Variants in TNIK observed in about 807,000 individuals in gnomAD.
TNIK encodes TRAF2 and NCK interacting kinase.
Under a neutral mutation model 191.3 loss-of-function variants are expected in TNIK, and 49 were observed. The observed-to-expected ratio is 0.26, with a 90% CI of 0.20 to 0.32. TNIK has a LOEUF of 0.32. Among genes scored for constraint, TNIK ranks in the 10% least tolerant of loss-of-function variants. TNIK has a pLI of 1.00. For missense variants in TNIK, 1,155 were observed against 1,702.3 expected (o/e 0.68, Z 5.66); for synonymous variants, 594 against 600.9 (o/e 0.99, Z 0.17).
intron 2 of TNIK, among the ~76,000 whole-genome samples, chr3:171,314,441 G>A (rs1353054526): frequency 1.3e-5 from 2 of 152,116 alleles, no homozygotes; most frequent in Non-Finnish European, 2.9e-5. Flanking sequence ...TGATCCAGAG[G>A]TTCTCCAAGT....
chr3:171,386,469 G>T (rs889183647), intron 1 of TNIK, among the ~76,000 whole-genome samples: 2 of 131,728 alleles, frequency 1.5e-5, no homozygotes, highest in Non-Finnish European at 3.6e-5. Context: ...TTGCAGTGGA[G>T]GTTTCTCAGT....
At chr3:171,434,031 C>T (rs563872283) in intron 1 of TNIK, among the ~76,000 whole-genome samples, 1 of 147,082 alleles carries the variant, frequency 6.8e-6, no homozygotes, top group Admixed American at 6.9e-5. Context: ...CTACAACCAC[C>T]ACCTCCTGGG....
At chr3:171,268,515 G>A (rs1241734681) in intron 2 of TNIK, among the ~76,000 whole-genome samples, 1 of 151,888 alleles carries the variant, frequency 6.6e-6, no homozygotes, top group Non-Finnish European at 1.5e-5. Context: ...TCTATACTAA[G>A]GTCTCTTTCC....
intron 2 of TNIK, among the ~76,000 whole-genome samples, chr3:171,255,271 C>A (rs1746713072): frequency 6.6e-6 from 1 of 152,188 alleles, no homozygotes; most frequent in Non-Finnish European, 1.5e-5. Context: ...GAAAATCCCA[C>A]ATTCAAATGA....
intron 4 of TNIK, among the ~76,000 whole-genome samples, chr3:171,195,124 G>A (rs146924608): frequency 3.3e-5 from 5 of 152,248 alleles, no homozygotes; most frequent in African/African-American, 7.2e-5. Context: ...TAACTTCAGC[G>A]AATGTTCCCA....
At chr3:171,240,309 A>AT (rs1744798700) in intron 2 of TNIK, among the ~76,000 whole-genome samples, 1 of 152,198 alleles carries the variant, frequency 6.6e-6, no homozygotes, top group Non-Finnish European at 1.5e-5. Flanking sequence ...TGCAGGCCCT[A>AT]TAGAGGACGT....
chr3:171,244,676 A>G (rs1194963316), intron 2 of TNIK, among the ~76,000 whole-genome samples: 2 of 151,988 alleles, frequency 1.3e-5, no homozygotes, highest in African/African-American at 4.8e-5. Context: ...AATTTAATCC[A>G]TCGGCCTCTA....
intron 2 of TNIK, among the ~76,000 whole-genome samples, chr3:171,293,383 T>G (rs932239254): frequency 6.6e-6 from 1 of 152,198 alleles, no homozygotes; most frequent in Non-Finnish European, 1.5e-5. Context: ...TAGTAAGTCT[T>G]CACTCCCAAG....
At chr3:171,411,077 T>TC (rs1722348427) in intron 1 of TNIK, among the ~76,000 whole-genome samples, 1 of 151,816 alleles carries the variant, frequency 6.6e-6, no homozygotes, top group Non-Finnish European at 1.5e-5. Flanking sequence ...TTTTTTTTTT[T>TC]TTTTTTAGAG....
At chr3:171,077,644 C>T (rs2108349234) in intron 28 of TNIK, among the ~76,000 whole-genome samples, 1 of 152,218 alleles carries the variant, frequency 6.6e-6, no homozygotes, top group Non-Finnish European at 1.5e-5. Flanking sequence ...TCTCCTGGTT[C>T]TCAGGCCTTC....
At chr3:171,439,461 T>C (rs1726474959) in intron 1 of TNIK, 1 of 151,950 alleles carries the variant, frequency 6.6e-6, no homozygotes, top group Non-Finnish European at 1.5e-5. Context: ...AAAATTAGAA[T>C]AGTATATATC....
intron 1 of TNIK, among the ~76,000 whole-genome samples, chr3:171,452,476 G>A (rs1560092084): frequency 6.6e-6 from 1 of 151,982 alleles, no homozygotes; most frequent in Non-Finnish European, 1.5e-5. Context: ...CAAAACTGAA[G>A]CTTAGAGGGC....
At chr3:171,318,115 G>C (rs1754826342) in intron 2 of TNIK, among the ~76,000 whole-genome samples, 1 of 152,120 alleles carries the variant, frequency 6.6e-6, no homozygotes, top group South Asian at 2.1e-4. Flanking sequence ...ACCCTATGCT[G>C]CTTCTATACC....
intron 3 of TNIK, among the ~76,000 whole-genome samples, chr3:171,215,788 T>C (rs1186325743): frequency 6.6e-6 from 1 of 152,200 alleles, no homozygotes; most frequent in Non-Finnish European, 1.5e-5. Flanking sequence ...GCCTATGATA[T>C]GCTAGCATTT....
chr3:171,423,215 G>C (rs1298636202), intron 1 of TNIK, among the ~76,000 whole-genome samples: 1 of 152,124 alleles, frequency 6.6e-6, no homozygotes, highest in Admixed American at 6.5e-5. Flanking sequence ...CAAATCATGA[G>C]TGAACTCCCA....
intron 1 of TNIK, among the ~76,000 whole-genome samples, chr3:171,400,357 G>C (rs557893331): frequency 1.7e-4 from 26 of 152,160 alleles, no homozygotes; most frequent in African/African-American, 5.5e-4. Flanking sequence ...TTAAGCCCAG[G>C]AGTTTGAGAC....
chr3:171,404,381 T>C (rs1721396039), intron 1 of TNIK, among the ~76,000 whole-genome samples: 1 of 152,184 alleles, frequency 6.6e-6, no homozygotes, highest in African/African-American at 2.4e-5. Context: ...AAATTAACAT[T>C]TGTCAATTTT....
chr3:171,321,067 GA>G (rs869085354), intron 2 of TNIK, among the ~76,000 whole-genome samples: 83 of 152,246 alleles, frequency 5.5e-4, no homozygotes, highest in African/African-American at 8.9e-4. Context: ...AAAGTAGGGG[GA>G]AAAAATAATT....
intron 2 of TNIK, among the ~76,000 whole-genome samples, chr3:171,265,465 C>G (rs1055579235): frequency 6.6e-6 from 1 of 152,200 alleles, no homozygotes; most frequent in Non-Finnish European, 1.5e-5. Flanking sequence ...TTTAATGACA[C>G]AACAGGTAGT....
Sources: allele counts gnomAD v4.1 joint callset (sites outside exome capture counted in the v4.1 genomes callset), GRCh38; gene constraint gnomAD v4.1.1; transcripts MANE v1.5; gene names NCBI Gene and HGNC (gene_info 2026-07-23, HGNC 2026-07-21).